EPHA6: variants seen among roughly 807,000 people sequenced by gnomAD.
The protein encoded by EPHA6 is EPH receptor A6, also known as ephrin type-A receptor 6.
In EPHA6, 50 loss-of-function variants were observed where a neutral mutation model predicts 112.0. The ratio of observed to expected loss-of-function variants is 0.45; its 90% CI spans 0.36 to 0.56. The LOEUF is 0.56. Ranked by LOEUF, EPHA6 falls within the 20% of genes least tolerant of loss-of-function variation. EPHA6 has a pLI of 0.00. For missense variants in EPHA6, 1,280 were observed against 1,417.4 expected, an observed-to-expected ratio of 0.90 and a Z score of 1.56; for synonymous variants, 529 against 490.7, an observed-to-expected ratio of 1.08 and a Z score of -1.03.
chr3:97,448,722 G>T lies in EPHA6; in HGVS notation c.1886G>T (p.Gly629Val), dbSNP rs756475434. The change falls in exon 7 of 18, where the codon GGA becomes GTA. Residue 629 changes from glycine to valine, a missense_variant. Gly to Val is a moderately radical substitution (Grantham distance 109). Coordinates refer to ENST00000389672, the MANE Select transcript of EPHA6 (RefSeq NM_001080448.3). The part of the protein sequence containing the change: ...GYSQKFEFET[G>V]DETSDMAAEQ... ...AGTCAGAAATTTGAATTTGAAACAG[G>T]AGATGAAAGTAAGTTTCACACAAGG... 6.2e-7 allele frequency: 1 copy of T among 1,613,208 alleles called. No homozygotes were observed. The highest frequency in any genetic ancestry group is 8.5e-7 in the Non-Finnish European group (1 of 1,179,384).
chr3:97,488,099 G>A (rs1560061424), intron 10 of EPHA6, among the ~76,000 whole-genome samples: 1 of 152,244 alleles, frequency 6.6e-6, no homozygotes, highest in South Asian at 2.1e-4. Context: ...TTGAAAAAAT[G>A]ATTCTTGTGT....
intron 3 of EPHA6, among the ~76,000 whole-genome samples, chr3:97,144,264 G>A (rs1307264557): frequency 1.3e-5 from 2 of 151,472 alleles, no homozygotes; most frequent in Non-Finnish European, 3.0e-5. Flanking sequence ...AGAAGTTTGA[G>A]TATCTTTTCC....
At chr3:97,427,004 C>A (rs567432286) in intron 6 of EPHA6, among the ~76,000 whole-genome samples, 1 of 152,242 alleles carries the variant, frequency 6.6e-6, no homozygotes, top group Admixed American at 6.5e-5. Flanking sequence ...TATCTCACAC[C>A]AGTCAGAATG....
At chr3:96,935,737 AAT>A (rs951736032) in intron 2 of EPHA6, among the ~76,000 whole-genome samples, 1 of 138,140 alleles carries the variant, frequency 7.2e-6, no homozygotes, top group Non-Finnish European at 1.5e-5. Flanking sequence ...ATATATATAT[AAT>A]ATATATGCAC....
chr3:96,910,119 G>A (rs2039141829), intron 2 of EPHA6, among the ~76,000 whole-genome samples: 1 of 151,938 alleles, frequency 6.6e-6, no homozygotes, highest in South Asian at 2.1e-4. Flanking sequence ...AATGTACTAG[G>A]TGTGCCTTCA....
intron 13 of EPHA6, among the ~76,000 whole-genome samples, chr3:97,618,532 TAAA>T (rs1393951942): frequency 2.0e-5 from 3 of 151,762 alleles, no homozygotes; most frequent in Non-Finnish European, 2.9e-5. Flanking sequence ...GCTAGACTAA[TAAA>T]GAAGAAAAGA....
chr3:97,197,162 C>T (rs2077462896), intron 3 of EPHA6, among the ~76,000 whole-genome samples: 1 of 152,076 alleles, frequency 6.6e-6, no homozygotes, highest in Non-Finnish European at 1.5e-5. Flanking sequence ...GTGTTCTACA[C>T]CACTGTGACT....
At chr3:97,413,619 G>A (rs759070614) in intron 6 of EPHA6, among the ~76,000 whole-genome samples, 1 of 152,040 alleles carries the variant, frequency 6.6e-6, no homozygotes, top group Non-Finnish European at 1.5e-5. Flanking sequence ...ACAAGGTTGT[G>A]AAATTACAGT....
intron 2 of EPHA6, among the ~76,000 whole-genome samples, chr3:96,985,652 C>T (rs191416998): frequency 6.6e-6 from 1 of 152,138 alleles, no homozygotes; most frequent in East Asian, 1.9e-4. Context: ...CAAAGGAACT[C>T]ATTGTTTTCT....
At chr3:97,498,401 G>A (rs2092035121) in intron 10 of EPHA6, among the ~76,000 whole-genome samples, 6 of 151,702 alleles carry the variant, frequency 4.0e-5, no homozygotes, top group Admixed American at 6.6e-5. Context: ...AGAGTTGTAC[G>A]TCAAGTCCAG....
At chr3:97,466,054 G>C (rs1313565546) in intron 7 of EPHA6, among the ~76,000 whole-genome samples, 1 of 151,574 alleles carries the variant, frequency 6.6e-6, no homozygotes, top group African/African-American at 2.4e-5. Flanking sequence ...AGACAGGACT[G>C]ATTTCCCCCC....
At chr3:96,932,611 C>G (rs1023991234) in intron 2 of EPHA6, among the ~76,000 whole-genome samples, 2 of 151,956 alleles carry the variant, frequency 1.3e-5, no homozygotes, top group African/African-American at 4.8e-5. Context: ...GTAACCAAAC[C>G]CAGGTTCAGC....
intron 3 of EPHA6, among the ~76,000 whole-genome samples, chr3:97,028,700 G>A (rs1405136265): frequency 6.6e-6 from 1 of 151,874 alleles, no homozygotes; most frequent in Admixed American, 6.6e-5. Flanking sequence ...GTTTATAGAT[G>A]TTATTTAATT....
chr3:97,378,283 G>A (rs1423860862), intron 5 of EPHA6, among the ~76,000 whole-genome samples: 4 of 152,218 alleles, frequency 2.6e-5, no homozygotes, highest in Non-Finnish European at 5.9e-5. Flanking sequence ...TAGGTGCACA[G>A]AGTCAAGAAT....
At chr3:97,677,417 A>G (rs774993303) in intron 14 of EPHA6, among the ~76,000 whole-genome samples, 24 of 152,142 alleles carry the variant, frequency 1.6e-4, no homozygotes, top group Non-Finnish European at 1.5e-5. Flanking sequence ...CTACTAGAAT[A>G]AGAGATAAAG....
At chr3:96,890,151 A>G (rs1023172831) in intron 2 of EPHA6, among the ~76,000 whole-genome samples, 3 of 152,068 alleles carry the variant, frequency 2.0e-5, no homozygotes, top group Non-Finnish European at 2.9e-5. Context: ...TATAAACGAT[A>G]TTACATATTG....
chr3:97,120,578 TA>T (rs142429710), intron 3 of EPHA6, among the ~76,000 whole-genome samples: 9,944 of 151,900 alleles, frequency 0.065, 369 homozygotes, highest in Middle Eastern at 0.14. Flanking sequence ...ATTTCTTAGT[TA>T]AAAAAAGGGT....
intron 5 of EPHA6, among the ~76,000 whole-genome samples, chr3:97,271,275 A>G (rs2089422405): frequency 6.6e-6 from 1 of 152,268 alleles, no homozygotes; most frequent in Non-Finnish European, 1.5e-5. Context: ...CATACTCACT[A>G]AATCCATGAG....
At chr3:96,942,806 A>G (rs995038908) in intron 2 of EPHA6, among the ~76,000 whole-genome samples, 3 of 152,086 alleles carry the variant, frequency 2.0e-5, no homozygotes, top group Non-Finnish European at 2.9e-5. Flanking sequence ...AAGTATTCAT[A>G]TGTTCATTTC....
Sources: allele counts gnomAD v4.1 joint callset (sites outside exome capture counted in the v4.1 genomes callset), GRCh38; gene constraint gnomAD v4.1.1; transcripts MANE v1.5; gene names NCBI Gene and HGNC (gene_info 2026-07-23, HGNC 2026-07-21).